The following HNRNPL variants were observed in gnomAD, a reference collection of about 807,000 sequenced individuals.
The protein encoded by HNRNPL is epididymis secretory sperm binding protein.
Under a neutral mutation model 64.0 loss-of-function variants are expected in HNRNPL, and 12 were observed. That is an observed-to-expected ratio of 0.19 (90% CI 0.12 to 0.30). The LOEUF (loss-of-function observed/expected upper bound fraction) is 0.30, where lower values mean the gene tolerates loss of function less well. HNRNPL is among the 10% of genes least tolerant of loss of function. The probability of loss-of-function intolerance (pLI) is 1.00; values close to 1 mark genes in which losing one functional copy is unlikely to be tolerated. For missense variants in HNRNPL, 484 were observed against 797.4 expected (o/e 0.61, Z 4.73); for synonymous variants, 385 against 313.0 (o/e 1.23, Z -2.43).
At chr19:38,837,568 C>T (rs772106224) in intron 11 of HNRNPL, 26 bp downstream of exon 11, 2 of 1,613,246 alleles carry the variant, frequency 1.2e-6, no homozygotes, top group African/African-American at 1.3e-5. Flanking sequence ...GCAATTAGGG[C>T]AAGGAGGTGG....
At position 38,837,616 on chromosome 19, in the gene HNRNPL, A is replaced by G; in HGVS notation, c.1593T>C (p.Ser531=). ...CDELGVKRPS[S]VKVFSGKSER... is the part of the protein sequence containing the mutation. ...CACTTTTGCCTGAGAATACTTTCAC[A>G]GAAGATGGCCGCTTCACTCCCAGCT... The change falls in exon 11 of 13, where the codon TCT becomes TCC. Residue 531 remains serine, a synonymous_variant. Coordinates refer to ENST00000221419, the MANE Select transcript of HNRNPL (RefSeq NM_001533.3). 6.2e-7 allele frequency: 1 copy of G among 1,614,278 alleles called. No homozygotes were observed. The highest frequency in any genetic ancestry group is 8.5e-7 in the Non-Finnish European group (1 of 1,180,046).
At chr19:38,837,194 G>A in intron 12 of HNRNPL, 190 bp downstream of exon 12, 1 of 599,672 alleles carries the variant, frequency 1.7e-6, no homozygotes, top group African/African-American at 1.9e-5. Flanking sequence ...AGTGGCAGCA[G>A]GCAGTCAGGC....
rs73930212 is a variant in HNRNPL, at chr19:38,845,836, T to G, written c.624+17A>C. ...AAAGGAAGGGAGACCTCACAAGAAA[T>G]GCCTGCTGGCACGTACCGTGGTGAT... On this transcript the variant is annotated intron_variant, in intron 3 of 12. Coordinates refer to ENST00000221419, the MANE Select transcript of HNRNPL (RefSeq NM_001533.3). 21 of 1,608,774 alleles carry G rather than the reference T, an allele frequency of 1.3e-5. No homozygotes were observed. Among genetic ancestry groups the G allele is most frequent in the Non-Finnish European group, 1.8e-5 (21 of 1,175,330 alleles).
At chr19:38,843,760 C>T (rs1371473325) in intron 6 of HNRNPL, 82 bp downstream of exon 6, 5 of 1,192,880 alleles carry the variant, frequency 4.2e-6, no homozygotes, top group African/African-American at 3.0e-5. Flanking sequence ...CATTACATAA[C>T]CCTGAGCCCA....
intron 9 of HNRNPL, 129 bp from the exon 10 acceptor site, chr19:38,838,727 G>T: frequency 7.7e-7 from 1 of 1,303,948 alleles, no homozygotes; most frequent in Non-Finnish European, 1.1e-6. Flanking sequence ...AGGCAAGGCT[G>T]ACTCACTTTC....
chr19:38,845,993 T>A lies in HNRNPL; in HGVS notation c.484A>T (p.Ile162Leu). 4.3e-6 allele frequency: 7 copies of A among 1,614,188 alleles called. No homozygotes were observed. Among genetic ancestry groups the A allele is most frequent in the Non-Finnish European group, 5.9e-6 (7 of 1,180,018 alleles). Residue 162 changes from isoleucine to leucine, a missense_variant, in exon 3 of 13, where the codon ATA (isoleucine) becomes TTA (leucine). Ile to Leu is a conservative substitution (Grantham distance 5). Coordinates refer to ENST00000221419, the MANE Select transcript of HNRNPL (RefSeq NM_001533.3). ...NAVNYAADNQ[I>L]YIAGHPAFVN... is the part of the protein sequence containing the mutation. ...AAAGCTGGGTGACCAGCAATGTATATTTGGTTGTCGGCTGCGTAGTTCACT... is the reference window on the plus strand; with the variant it reads ...AAAGCTGGGTGACCAGCAATGTATAATTGGTTGTCGGCTGCGTAGTTCACT...
chr19:38,843,971 A>G, intron 5 of HNRNPL, 37 bp downstream of exon 5: 1 of 1,609,120 alleles, frequency 6.2e-7, no homozygotes. Flanking sequence ...CTCACCTGGA[A>G]GCTGACAAGG....
Position 38,836,530 on chromosome 19 carries a change from C to T in HNRNPL, c.*192G>A. On this transcript the variant is annotated 3_prime_UTR_variant, in exon 13 of 13. Transcript: ENST00000221419. Reference sequence around the variant, plus strand: ...TTAATCTTGGGAGATAACAGTTCCCCTCTCCCTCCCCCTGCAGATTTCCAG... The same window carrying T: ...TTAATCTTGGGAGATAACAGTTCCCTTCTCCCTCCCCCTGCAGATTTCCAG... 1 of 444,190 alleles carries T rather than the reference C, an allele frequency of 2.3e-6. No individual in the cohort carries two copies. The highest frequency in any genetic ancestry group is 4.6e-5 in the South Asian group (1 of 21,836). 27.5% of individuals were successfully genotyped at this position (444,190 alleles called of 1,614,324 possible). A position where few individuals can be genotyped will look rare whatever the true frequency, so the allele number is the denominator to read the frequency against.
In HNRNPL at chr19:38,837,625, C is replaced by G; in HGVS notation, c.1584G>C (p.Arg528=). 1 of 1,614,216 alleles carries G rather than the reference C, an allele frequency of 6.2e-7. No individual in the cohort carries two copies. Residue 528 remains arginine (R), a synonymous_variant, in exon 11 of 13, where the codon CGG becomes CGC. Transcript: ENST00000221419. The part of the protein sequence containing the change: ...FEICDELGVK[R]PSSVKVFSGK... ...CTGAGAATACTTTCACAGAAGATGG[C>G]CGCTTCACTCCCAGCTCATCGCAGA...
intron 10 of HNRNPL, among the ~76,000 whole-genome samples, 177 bp downstream of exon 10, chr19:38,838,220 T>C (rs947986859): frequency 3.9e-5 from 6 of 152,222 alleles, no homozygotes; most frequent in Non-Finnish European, 7.3e-5. Context: ...TCTCACCCTG[T>C]CCAGTTTGAG....
At chr19:38,841,340 C>A in intron 6 of HNRNPL, 1 of 346,312 alleles carries the variant, frequency 2.9e-6, no homozygotes, top group Non-Finnish European at 5.6e-6. Flanking sequence ...ATTTCAGCCC[C>A]ATTTTACAGA....
At chr19:38,850,498 A>C (rs923448025), upstream of HNRNPL, among the ~76,000 whole-genome samples, 1 of 152,138 alleles carries the variant, frequency 6.6e-6, no homozygotes, top group Non-Finnish European at 1.5e-5. Flanking sequence ...GCACCCTCTC[A>C]CCAGATGGTA....
rs1972443804 is a variant in HNRNPL, at chr19:38,849,790, C to T, written c.177G>A (p.Lys59=). 7.1e-7 allele frequency: 1 copy of T among 1,401,818 alleles called. No individual in the cohort carries two copies. 86.8% of individuals were successfully genotyped at this position (1,401,818 alleles called of 1,614,324 possible). A position where few individuals can be genotyped will look rare whatever the true frequency, so the allele number is the denominator to read the frequency against. The stretch of plus-strand genomic sequence containing the variant: ...CGCCGGCGTTGTCAGTCTTGAGCCG[C>T]TTAGGGGCCCGGCCGCCCTCACTGC... ...GGGSEGGRAP[K]RLKTDNAGDQ... is the part of the protein sequence containing the mutation. Residue 59 remains lysine, a synonymous_variant, in exon 1 of 13, where the codon AAG becomes AAA. Transcript: ENST00000221419.
At chr19:38,841,286 GCTTC>G (rs1972109484) in intron 6 of HNRNPL, 2 of 329,314 alleles carry the variant, frequency 6.1e-6, no homozygotes, top group Non-Finnish European at 1.2e-5. Flanking sequence ...AGACATCACA[GCTTC>G]TGAAATTCCT....
chr19:38,836,922 A>G, intron 12 of HNRNPL, 142 bp from the exon 13 acceptor site: 4 of 611,932 alleles, frequency 6.5e-6, no homozygotes, highest in Non-Finnish European at 1.2e-5. Flanking sequence ...TGAGGCTTCA[A>G]GATGAGCCAA....
intron 1 of HNRNPL, among the ~76,000 whole-genome samples, chr19:38,848,863 C>T (rs548777871): frequency 7.2e-5 from 11 of 152,192 alleles, no homozygotes; most frequent in African/African-American, 1.2e-4. Flanking sequence ...AAGATTAAAA[C>T]GCTAGCAACT....
chr19:38,839,045 C>G, intron 8 of HNRNPL, 30 bp from the exon 9 acceptor site: 1 of 1,611,074 alleles, frequency 6.2e-7, no homozygotes, highest in Non-Finnish European at 8.5e-7. Context: ...GTCAGCACCT[C>G]TGTCCAGCTG....
intron 8 of HNRNPL, chr19:38,839,710 G>A (rs2059058888): frequency 1.4e-5 from 3 of 222,130 alleles, no homozygotes; most frequent in Admixed American, 1.1e-4. Context: ...CTCAGCCACC[G>A]CTAGCCCCAG....
intron 4 of HNRNPL, 128 bp from the exon 5 acceptor site, chr19:38,844,232 C>A: frequency 1.5e-6 from 1 of 652,012 alleles, no homozygotes; most frequent in Non-Finnish European, 2.7e-6. Context: ...GGGATTAGCT[C>A]ACTGCCCAGC....
Sources: allele counts gnomAD v4.1 joint callset (sites outside exome capture counted in the v4.1 genomes callset), GRCh38; gene constraint gnomAD v4.1.1; transcripts MANE v1.5; gene names NCBI Gene and HGNC (gene_info 2026-07-23, HGNC 2026-07-21).